PCNT: variants seen among roughly 807,000 people sequenced by gnomAD.
The protein encoded by PCNT is pericentrin.
In PCNT, 319 loss-of-function variants were observed where a neutral mutation model predicts 380.4. The ratio of observed to expected loss-of-function variants is 0.84; its 90% CI spans 0.77 to 0.92. The LOEUF is 0.92. Ranked by LOEUF, PCNT falls within the 40% of genes least tolerant of loss-of-function variation. The probability of loss-of-function intolerance (pLI) is 0.00; values close to 1 mark genes in which losing one functional copy is unlikely to be tolerated. For synonymous variants in PCNT, 1,845 were observed against 1,735.2 expected, an observed-to-expected ratio of 1.06 and a Z score of -1.57; for missense variants, 4,400 against 4,255.3, an observed-to-expected ratio of 1.03 and a Z score of -0.95.
rs1415348820 is a variant in PCNT at position 46,428,462 on chromosome 21, T to C, written c.7562T>C (p.Ile2521Thr). Residue 2521 changes from isoleucine to threonine, a missense_variant, in exon 35 of 47, where the codon ATC becomes ACC. Ile to Thr is a moderately conservative substitution (Grantham distance 89, BLOSUM62 -1). Transcript: ENST00000359568. The part of the protein sequence containing the change: ...LPDRSSLLSE[I>T]QALRAQLRMT... ...GACCGGAGCAGCCTGCTGTCCGAGA[T>C]CCAGGCGCTGCGTGCCCAGCTGCGC... 1 of 1,612,476 alleles carries C rather than the reference T, an allele frequency of 6.2e-7. No individual in the cohort carries two copies.
At chr21:46,387,405 G>A (rs1252622816) in intron 17 of PCNT, among the ~76,000 whole-genome samples, 3 of 152,108 alleles carry the variant, frequency 2.0e-5, no homozygotes, top group Non-Finnish European at 4.4e-5. Flanking sequence ...CAGTGGGGCG[G>A]TCTGTGCTCT....
rs535460703 is a variant in PCNT, at chr21:46,392,340, C to T, written c.4216+964C>T. 5.3e-5 allele frequency among the ~76,000 whole-genome samples: 8 copies of T among 152,258 alleles called. No individual in the cohort carries two copies. In the East Asian group the frequency reaches 1.5e-3, roughly 29 times the overall value. On this transcript the variant is annotated intron_variant, in intron 21 of 46. Coordinates refer to ENST00000359568, the MANE Select transcript of PCNT (RefSeq NM_006031.6). ...GTTCAAGTGATTCTCCTGCCTCAGC[C>T]TCCCAAGTAGCTGGGATTACAGGTG... is the stretch of plus-strand genomic sequence containing the variant.
chr21:46,365,682 A>G (rs1187932006), intron 14 of PCNT, among the ~76,000 whole-genome samples: 14 of 107,564 alleles, frequency 1.3e-4, no homozygotes, highest in African/African-American at 3.7e-4. Context: ...ATTCACTGCC[A>G]TGGGGTTCTC....
chr21:46,324,873 C>G, intron 1 of PCNT: 1 of 985,440 alleles, frequency 1.0e-6, no homozygotes, highest in Non-Finnish European at 1.2e-6. Flanking sequence ...ATGCTTTCCC[C>G]GCGCGTTTCT....
At chr21:46,331,028 T>G (rs531863815) in intron 2 of PCNT, among the ~76,000 whole-genome samples, 1 of 151,472 alleles carries the variant, frequency 6.6e-6, no homozygotes, top group African/African-American at 2.4e-5. Flanking sequence ...GTGTGTGTGT[T>G]TGTGTGTGTG....
chr21:46,359,487 TTTTG>T lies in PCNT; in HGVS notation c.2154+2300_2154+2303del, dbSNP rs1245411929. The stretch of plus-strand genomic sequence containing the variant: ...CTGTCCAAAAATACACCTGTTTTTT[TTTTG>T]TTTTTTTTTTTTTTTTGAGACAGTG... On this transcript the variant is annotated intron_variant, in intron 13 of 46. Coordinates refer to ENST00000359568, the MANE Select transcript of PCNT (RefSeq NM_006031.6). 1.2e-3 allele frequency among the ~76,000 whole-genome samples: 98 copies of T among 81,598 alleles called. 19 individuals carry two copies. Among genetic ancestry groups the T allele is most frequent in the East Asian group, 2.5e-3 (8 of 3,230 alleles). The allele number at this position is 81,598 out of a possible 152,430, so 53.5% of individuals were successfully genotyped here.
intron 16 of PCNT, among the ~76,000 whole-genome samples, chr21:46,384,092 A>G (rs1177386387): frequency 2.3e-5 from 3 of 132,108 alleles, no homozygotes; most frequent in South Asian, 5.5e-4. Flanking sequence ...ACAGTGTTGT[A>G]TATTCAGTGG....
chr21:46,398,290 G>A (rs201086805), intron 24 of PCNT, 35 bp downstream of exon 24: 17 of 1,583,862 alleles, frequency 1.1e-5, no homozygotes, highest in African/African-American at 5.4e-5. Context: ...CACTCCCTGC[G>A]CTGGCGCCCA....
At chr21:46,363,369 G>A in intron 13 of PCNT, 111 bp from the exon 14 acceptor site, 1 of 791,200 alleles carries the variant, frequency 1.3e-6, no homozygotes, top group Admixed American at 1.8e-5. Flanking sequence ...CAGCGTAATG[G>A]GTGTGTGTGT....
chr21:46,374,823 T>C (rs1217569866), intron 15 of PCNT, among the ~76,000 whole-genome samples: 1 of 117,174 alleles, frequency 8.5e-6, no homozygotes, highest in Non-Finnish European at 1.6e-5. Context: ...CACTCCAGCC[T>C]GGGCAACAAG....
intron 43 of PCNT, 117 bp from the exon 44 acceptor site, chr21:46,442,380 G>T: frequency 1.4e-6 from 1 of 722,336 alleles, no homozygotes; most frequent in Non-Finnish European, 2.5e-6. Context: ...TGGCGTCCTG[G>T]TCCCCATGGG....
At chr21:46,363,381 G>C (rs2084785481) in intron 13 of PCNT, 99 bp from the exon 14 acceptor site, 7 of 867,008 alleles carry the variant, frequency 8.1e-6, no homozygotes, top group South Asian at 8.1e-5. Flanking sequence ...TGTGTGTGTG[G>C]TGAAAATTCC....
At chr21:46,327,422 A>G (rs2083429502) in intron 2 of PCNT, among the ~76,000 whole-genome samples, 1 of 150,700 alleles carries the variant, frequency 6.6e-6, no homozygotes, top group South Asian at 2.1e-4. Flanking sequence ...TTTGTTCCAG[A>G]CAGTGTTTTG....
At chr21:46,368,466 A>G (rs1000330654) in intron 15 of PCNT, among the ~76,000 whole-genome samples, 2 of 151,104 alleles carry the variant, frequency 1.3e-5, no homozygotes, top group Non-Finnish European at 2.9e-5. Context: ...AAAAGCGGTG[A>G]TGGTTCATTT....
rs1197688764 is a variant in PCNT at position 46,416,056 on chromosome 21, GT to G, written c.6151-10del. 1 of 1,613,850 alleles carries G rather than the reference GT, an allele frequency of 6.2e-7. No individual in the cohort carries two copies. The highest frequency in any genetic ancestry group is 1.1e-5 in the South Asian group (1 of 91,068). The stretch of plus-strand genomic sequence containing the variant: ...AGGTATTCCACCGTGCACCTGTTCT[GT>G]TTCACCTGCAGGGTAAAGAAAAAGT... On this transcript the variant is annotated splice_polypyrimidine_tract_variant and intron_variant, in intron 29 of 46. Coordinates refer to ENST00000359568, the MANE Select transcript of PCNT (RefSeq NM_006031.6).
In PCNT at chr21:46,442,242, C is replaced by T. The variant is rs140925430; in HGVS notation, c.9624-255C>T. On this transcript the variant is annotated intron_variant, in intron 43 of 46. Transcript: ENST00000359568. The stretch of plus-strand genomic sequence containing the variant: ...GGTGTCTAGGGGACCATATGGTCCA[C>T]GGTGGGGCCGCAGTGAGGCTTTGTC... Among the ~76,000 whole-genome samples the T allele has an allele frequency of 6.3e-3, 965 of 152,144 alleles. 9 individuals carry two copies. The highest frequency in any genetic ancestry group is 0.022 in the African/African-American group (920 of 41,512).
At chr21:46,335,285 G>C (rs1243612274) in intron 3 of PCNT, among the ~76,000 whole-genome samples, 2 of 152,128 alleles carry the variant, frequency 1.3e-5, no homozygotes, top group Non-Finnish European at 2.9e-5. Flanking sequence ...GTTCCTGGTG[G>C]GATGAATTCC....
intron 32 of PCNT, among the ~76,000 whole-genome samples, chr21:46,424,501 G>T (rs1417724627): frequency 1.3e-5 from 2 of 152,232 alleles, no homozygotes; most frequent in Non-Finnish European, 2.9e-5. Context: ...ACCTGCAAGG[G>T]CCCCGTGTCA....
intron 3 of PCNT, among the ~76,000 whole-genome samples, chr21:46,345,821 A>G (rs1298829194): frequency 6.6e-6 from 1 of 152,160 alleles, no homozygotes. Context: ...ATGTAAACGG[A>G]ACCTCACCAT....
Sources: gnomAD v4.1 joint callset for allele counts (sites outside exome capture counted in the v4.1 genomes callset) on GRCh38, gnomAD v4.1.1 for gene constraint, MANE v1.5 for transcripts, NCBI Gene and HGNC (gene_info 2026-07-23, HGNC 2026-07-21) for gene names.